Variants in NALCN observed in about 807,000 individuals in gnomAD.
NALCN encodes the protein sodium leak channel, non-selective, also known as sodium leak channel NALCN.
NALCN carries 111 observed loss-of-function variants against 225.3 expected under a neutral mutation model. The observed-to-expected ratio is 0.49, with a 90% CI of 0.42 to 0.58. NALCN has a LOEUF of 0.58. Among genes scored for constraint, NALCN ranks in the 20% least tolerant of loss-of-function variants. NALCN has a pLI of 0.00. For synonymous variants in NALCN, 764 were observed against 769.0 expected, an observed-to-expected ratio of 0.99 and a Z score of 0.11; for missense variants, 1,378 against 2,202.4, an observed-to-expected ratio of 0.63 and a Z score of 7.49.
chr13:101,105,519 A>G (rs1054129682), intron 22 of NALCN, among the ~76,000 whole-genome samples: 4 of 152,162 alleles, frequency 2.6e-5, no homozygotes, highest in Non-Finnish European at 5.9e-5. Context: ...GTCTTCATCA[A>G]TTGTATTCAA....
chr13:101,372,485 A>G (rs2139405052), intron 6 of NALCN, among the ~76,000 whole-genome samples: 1 of 152,300 alleles, frequency 6.6e-6, no homozygotes, highest in East Asian at 1.9e-4. Context: ...AAAAGGCTGA[A>G]ATTTCACAGG....
In NALCN at chr13:101,191,991, G is replaced by A. The variant is rs2039701320; in HGVS notation, c.1690C>T (p.Leu564=). 15 of 1,601,992 alleles carry A rather than the reference G, an allele frequency of 9.4e-6. No homozygotes were observed. Among genetic ancestry groups the A allele is most frequent in the Non-Finnish European group, 1.3e-5 (15 of 1,176,346 alleles). Residue 564 remains leucine, a synonymous_variant, in exon 14 of 44, where the codon CTA becomes TTA. Transcript: ENST00000251127. ...EGWVDVMDQT[L]NAVGHMWAPV... Reference sequence around the variant, plus strand: ...GCCCACATATGTCCCACAGCATTTAGAGTTTGGTCCATTACGTCCACCCAT... The same window carrying A: ...GCCCACATATGTCCCACAGCATTTAAAGTTTGGTCCATTACGTCCACCCAT...
chr13:101,160,941 C>T (rs148070583), intron 15 of NALCN, among the ~76,000 whole-genome samples: 1 of 152,268 alleles, frequency 6.6e-6, no homozygotes, highest in African/African-American at 2.4e-5. Context: ...AGTGAAAATA[C>T]ACAAGGAGGA....
intron 15 of NALCN, among the ~76,000 whole-genome samples, chr13:101,170,675 T>C (rs1171410070): frequency 2.6e-5 from 4 of 152,220 alleles, no homozygotes; most frequent in African/African-American, 9.6e-5. Flanking sequence ...ATATAATATC[T>C]ATCCAACACT....
At chr13:101,324,954 A>G (rs949928545) in intron 7 of NALCN, among the ~76,000 whole-genome samples, 2 of 152,194 alleles carry the variant, frequency 1.3e-5, no homozygotes, top group Admixed American at 1.3e-4. Flanking sequence ...CGTCCCATCA[A>G]TACTTAATTT....
intron 14 of NALCN, among the ~76,000 whole-genome samples, chr13:101,179,164 A>G (rs1428524755): frequency 6.6e-6 from 1 of 152,204 alleles, no homozygotes; most frequent in Admixed American, 6.5e-5. Flanking sequence ...GCAGACATAG[A>G]AGAGAGCACT....
chr13:101,211,590 A>G (rs1040007332), intron 13 of NALCN, among the ~76,000 whole-genome samples: 5 of 151,930 alleles, frequency 3.3e-5, no homozygotes, highest in African/African-American at 1.2e-4. Flanking sequence ...TTATAGTAGA[A>G]AGGAAATAAT....
Position 101,258,500 on chromosome 13 carries a change from G to A in NALCN, c.1209C>T (p.Ser403=), listed in dbSNP as rs747433458. 27 of 1,614,030 alleles carry A rather than the reference G, an allele frequency of 1.7e-5. No individual in the cohort carries two copies. The African/African-American group carries it at 2.5e-4, about 15-fold the overall frequency. ...TGAAGTTTTCTCCTTTGTAGTAGTTGCTAGCCGCCACGATCACGTCCACGG... is the reference window on the plus strand; with the variant it reads ...TGAAGTTTTCTCCTTTGTAGTAGTTACTAGCCGCCACGATCACGTCCACGG... ...MVTVDVIVAA[S]NYYKGENFRR... is the part of the protein sequence containing the mutation. The change falls in exon 11 of 44, where the codon AGC becomes AGT. Residue 403 remains serine (S), a synonymous_variant. Transcript: ENST00000251127.
chr13:101,067,286 AGAG>A (rs1302690628), intron 39 of NALCN, among the ~76,000 whole-genome samples: 26 of 11,914 alleles, frequency 2.2e-3, no homozygotes, highest in Admixed American at 7.3e-3. Flanking sequence ...AGGAGGGGGA[AGAG>A]GAGGGGGAAG....
chr13:101,055,318 C>T lies in NALCN; in HGVS notation c.5194G>A (p.Gly1732Arg), dbSNP rs2139370855. Residue 1732 changes from glycine to arginine, a missense_variant, in exon 44 of 44, where the codon GGG becomes AGG. By Grantham distance (125) the Gly-to-Arg change is moderately radical. This residue lies in a region of NALCN where 145 missense variants were observed against 169.6 expected (regional missense o/e 0.85). Transcript: ENST00000251127. ...ACCTAAATATCCAGAAGGTCATCCC[C>T]ACTTTCGTCGCTCTCCACAGTCAGC... ...RQLTVESDES[G>R]DDLLDI 6.2e-7 allele frequency: 1 copy of T among 1,613,452 alleles called. No homozygotes were observed. The highest frequency in any genetic ancestry group is 8.5e-7 in the Non-Finnish European group (1 of 1,179,744).
At chr13:101,068,884 T>C (rs1023625697) in intron 37 of NALCN, 57 bp from the exon 38 acceptor site, 1 of 1,499,024 alleles carries the variant, frequency 6.7e-7, no homozygotes, top group African/African-American at 1.4e-5. Context: ...ACAAATTTCT[T>C]TTAGCTGACT....
chr13:101,349,176 T>C (rs2045833490), intron 6 of NALCN, among the ~76,000 whole-genome samples: 1 of 152,324 alleles, frequency 6.6e-6, no homozygotes, highest in Non-Finnish European at 1.5e-5. Context: ...CACATATTTC[T>C]TGAATAAAGT....
intron 18 of NALCN, among the ~76,000 whole-genome samples, chr13:101,121,166 G>A (rs555946031): frequency 1.1e-4 from 16 of 151,584 alleles, no homozygotes; most frequent in African/African-American, 3.4e-4. Flanking sequence ...AGCCAGGGGG[G>A]ATTTAACACC....
intron 43 of NALCN, among the ~76,000 whole-genome samples, chr13:101,056,449 A>G (rs1408672041): frequency 2.6e-5 from 4 of 151,744 alleles, no homozygotes; most frequent in Non-Finnish European, 5.9e-5. Flanking sequence ...TTTAGTAGAG[A>G]CAGGGTTTCA....
chr13:101,239,586 T>C (rs1304761567), intron 11 of NALCN, among the ~76,000 whole-genome samples: 2 of 152,154 alleles, frequency 1.3e-5, no homozygotes, highest in East Asian at 3.9e-4. Context: ...TAGTGTTCAA[T>C]GTTTATGTAA....
At chr13:101,236,762 T>C (rs1428410037) in intron 12 of NALCN, among the ~76,000 whole-genome samples, 5 of 84,310 alleles carry the variant, frequency 5.9e-5, no homozygotes, top group African/African-American at 1.8e-4. Context: ...TGGGGCCTGT[T>C]GTGGGGTGGG....
chr13:101,137,188 T>A (rs1178210121), intron 17 of NALCN, among the ~76,000 whole-genome samples: 1 of 152,208 alleles, frequency 6.6e-6, no homozygotes, highest in Non-Finnish European at 1.5e-5. Flanking sequence ...GGAACACCAA[T>A]TCTTCCCTTT....
intron 18 of NALCN, among the ~76,000 whole-genome samples, chr13:101,115,072 G>T (rs906971474): frequency 2.6e-5 from 4 of 152,114 alleles, no homozygotes; most frequent in African/African-American, 9.7e-5. Flanking sequence ...ATTCCGTGAA[G>T]ATCAAATATT....
chr13:101,163,868 TC>T (rs1198212074), intron 15 of NALCN, among the ~76,000 whole-genome samples: 10 of 152,136 alleles, frequency 6.6e-5, no homozygotes, highest in African/African-American at 2.4e-4. Context: ...CAAGGCAAGC[TC>T]CTTCTGGAGG....
Sources: gnomAD v4.1 joint callset for allele counts (sites outside exome capture counted in the v4.1 genomes callset) on GRCh38, gnomAD v4.1.1 for gene constraint, gnomAD v4.1.1 regional missense constraint, MANE v1.5 for transcripts, NCBI Gene and HGNC (gene_info 2026-07-23, HGNC 2026-07-21) for gene names.